The following PLB1 variants were observed in gnomAD, a reference collection of about 807,000 sequenced individuals.
PLB1 encodes the protein phospholipase B1, membrane-associated.
Under a neutral mutation model 227.4 loss-of-function variants are expected in PLB1, and 242 were observed. That is an observed-to-expected ratio of 1.06 (90% CI 0.96 to 1.18). The LOEUF (loss-of-function observed/expected upper bound fraction) is 1.18. PLB1 is among the 50% of genes most tolerant of loss of function. PLB1 has a pLI of 0.00. For missense variants in PLB1, 1,858 were observed against 1,816.3 expected (o/e 1.02, Z -0.42); for synonymous variants, 757 against 682.2 (o/e 1.11, Z -1.71).
rs60393903 is a variant in PLB1, at chr2:28,562,540, C to CAAAAAAAAA, written c.1148-490_1148-482dup. Among the ~76,000 whole-genome samples the CAAAAAAAAA allele has an allele frequency of 5.9e-4, 25 of 42,600 alleles. 7 individuals carry two copies. Among genetic ancestry groups the CAAAAAAAAA allele is most frequent in the South Asian group, 2.7e-3 (2 of 742 alleles). 27.9% of individuals were successfully genotyped at this position (42,600 alleles called of 152,430 possible). The stretch of plus-strand genomic sequence containing the variant: ...CTGGAGACAGAGCAAGACTCTGTCT[C>CAAAAAAAAA]AAAAAAAAAAAAAAAAAAAGTCAGT... On this transcript the variant is annotated intron_variant, in intron 17 of 57. Coordinates refer to ENST00000327757, the MANE Select transcript of PLB1 (RefSeq NM_153021.5).
chr2:28,606,517 A>C lies in PLB1; in HGVS notation c.3079A>C (p.Thr1027Pro), dbSNP rs1435543850. ...TNMLEPLGSK[T>P]ETLDLRAEMP... ...TCAGCTTGAACCACTTGGAAGCAAA[A>C]CAGAGACCCTGGACCTGAGAGCAGA... The change falls in exon 43 of 58, where the codon ACA becomes CCA. Residue 1027 changes from threonine to proline, a missense_variant. Thr to Pro is a conservative substitution (Grantham distance 38). Coordinates refer to ENST00000327757, the MANE Select transcript of PLB1 (RefSeq NM_153021.5). 1 of 1,614,214 alleles carries C rather than the reference A, an allele frequency of 6.2e-7. No homozygotes were observed. Among genetic ancestry groups the C allele is most frequent in the Non-Finnish European group, 8.5e-7 (1 of 1,180,026 alleles).
chr2:28,617,560 T>G (rs1304395880), intron 44 of PLB1, among the ~76,000 whole-genome samples, 167 bp from the exon 45 acceptor site: 1 of 152,170 alleles, frequency 6.6e-6, no homozygotes, highest in Non-Finnish European at 1.5e-5. Flanking sequence ...CCCTTTAATT[T>G]CCCTCCTAGC....
chr2:28,585,299 A>G (rs534777922), intron 25 of PLB1, among the ~76,000 whole-genome samples: 3 of 151,536 alleles, frequency 2.0e-5, no homozygotes, highest in Non-Finnish European at 4.4e-5. Context: ...CTTTTGAGAC[A>G]GAGTCTCGCT....
chr2:28,516,821 C>G lies in PLB1; in HGVS notation c.69C>G (p.Ile23Met). 6.2e-7 allele frequency: 1 copy of G among 1,613,712 alleles called. No individual in the cohort carries two copies. The highest frequency in any genetic ancestry group is 2.2e-5 in the East Asian group (1 of 44,886). Residue 23 changes from isoleucine (I) to methionine (M), a missense_variant, in exon 2 of 58, where the codon ATC becomes ATG. By Grantham distance (10) the Ile-to-Met change is conservative. Transcript: ENST00000327757. ...LLLLGQGTPQ[I>M]HTSPRKSTLE... ...GCTTTCTTTCAGGGACCCCTCAGAT[C>G]CATACCTCTCCTAGAAAGAGTACAT...
rs201172247 is a variant in PLB1, at chr2:28,553,698, A to AG, written c.1147+715dup. Among the ~76,000 whole-genome samples, 1,308 of 151,906 alleles carry AG rather than the reference A, an allele frequency of 8.6e-3. 25 individuals are homozygous for AG. The highest frequency in any genetic ancestry group is 0.03 in the African/African-American group (1,235 of 41,396). ...TATAGATTCCCATGCTTGGTCCTAA[A>AG]GGGGGGGGACTCACGTGTCCATTTA... On this transcript the variant is annotated intron_variant, in intron 17 of 57. Coordinates refer to ENST00000327757, the MANE Select transcript of PLB1 (RefSeq NM_153021.5).
At chr2:28,561,939 C>T (rs1572983403) in intron 17 of PLB1, among the ~76,000 whole-genome samples, 2 of 151,726 alleles carry the variant, frequency 1.3e-5, no homozygotes, top group South Asian at 2.1e-4. Flanking sequence ...AACAAATGAA[C>T]CTTGAAAACA....
intron 17 of PLB1, among the ~76,000 whole-genome samples, chr2:28,557,009 G>T (rs143855402): frequency 1.3e-5 from 2 of 152,114 alleles, no homozygotes; most frequent in Non-Finnish European, 2.9e-5. Context: ...GCAATGTTCA[G>T]TGTAGGTCAT....
At chr2:28,554,953 G>T (rs1674818729) in intron 17 of PLB1, among the ~76,000 whole-genome samples, 1 of 152,040 alleles carries the variant, frequency 6.6e-6, no homozygotes, top group Non-Finnish European at 1.5e-5. Context: ...AAGATGGGTA[G>T]ATTTAGGCTC....
Position 28,620,888 on chromosome 2 carries a change from A to G in PLB1, c.3437A>G (p.Lys1146Arg). ...ETHTTLPNIL[K>R]KFNPYLLGFS... ...TCCTCCTCCTCTAAAGACATTCTGAAGAAGTTCAACCCTTACCTCCTTGGC... is the reference window on the plus strand; with the variant it reads ...TCCTCCTCCTCTAAAGACATTCTGAGGAAGTTCAACCCTTACCTCCTTGGC... The change falls in exon 49 of 58, where the codon AAG becomes AGG. Residue 1146 changes from lysine to arginine, a missense_variant. Transcript: ENST00000327757. 1 of 1,613,816 alleles carries G rather than the reference A, an allele frequency of 6.2e-7. No homozygotes were observed. Among genetic ancestry groups the G allele is most frequent in the Non-Finnish European group, 8.5e-7 (1 of 1,179,762 alleles).
intron 44 of PLB1, 145 bp downstream of exon 44, chr2:28,614,241 C>T: frequency 1.2e-6 from 1 of 819,124 alleles, no homozygotes. Context: ...AGAAAAGGCT[C>T]CCGGACCACG....
intron 56 of PLB1, among the ~76,000 whole-genome samples, chr2:28,639,989 C>T (rs1168960947): frequency 1.6e-4 from 25 of 152,136 alleles, no homozygotes; most frequent in Admixed American, 1.6e-3. Context: ...TCTAGTCACC[C>T]TAGCATCTCT....
Position 28,566,607 on chromosome 2 carries a change from T to A in PLB1, c.1281-189T>A, listed in dbSNP as rs1463522860. Reference sequence around the variant, plus strand: ...AAGCTGGCGTTTTGTTTGGATGTGCTGGCCTATGGGGAGGGGAGTCGTATT... The same window carrying A: ...AAGCTGGCGTTTTGTTTGGATGTGCAGGCCTATGGGGAGGGGAGTCGTATT... On this transcript the variant is annotated intron_variant, in intron 19 of 57. Transcript: ENST00000327757. 5.1e-6 allele frequency: 3 copies of A among 583,832 alleles called. No individual in the cohort carries two copies. In the African/African-American group the frequency reaches 5.6e-5, roughly 11 times the overall value. The allele number at this position is 583,832 out of a possible 1,614,324, so 36.2% of individuals were successfully genotyped here. A position where few individuals can be genotyped will look rare whatever the true frequency, so the allele number is the denominator to read the frequency against.
intron 54 of PLB1, 101 bp from the exon 55 acceptor site, chr2:28,631,935 G>A: frequency 1.1e-6 from 1 of 922,738 alleles, no homozygotes; most frequent in South Asian, 1.4e-5. Context: ...GTCCTTTAGG[G>A]TGAGTTGACT....
intron 20 of PLB1, among the ~76,000 whole-genome samples, chr2:28,572,607 G>A (rs1401435090): frequency 6.6e-6 from 1 of 152,160 alleles, no homozygotes; most frequent in African/African-American, 2.4e-5. Context: ...CTACAACATG[G>A]GTGAATGTTG....
chr2:28,500,746 C>CA (rs1043897169), intron 1 of PLB1, among the ~76,000 whole-genome samples: 24 of 148,202 alleles, frequency 1.6e-4, no homozygotes, highest in South Asian at 4.3e-4. Context: ...ACCCCGTCTC[C>CA]AAAAAAAAAG....
At chr2:28,525,635 A>C (rs912748389) in intron 5 of PLB1, among the ~76,000 whole-genome samples, 1 of 152,148 alleles carries the variant, frequency 6.6e-6, no homozygotes, top group Non-Finnish European at 1.5e-5. Flanking sequence ...GCTCAGTCTC[A>C]TTCTACCCTG....
chr2:28,626,048 T>C (rs1687726646), intron 50 of PLB1, among the ~76,000 whole-genome samples: 2 of 150,654 alleles, frequency 1.3e-5, no homozygotes, highest in South Asian at 4.2e-4. Context: ...CAGGCTGGAG[T>C]GCAGTGGTGC....
intron 20 of PLB1, among the ~76,000 whole-genome samples, chr2:28,567,228 C>G (rs868609089): frequency 7.0e-6 from 1 of 143,182 alleles, no homozygotes; most frequent in Non-Finnish European, 1.5e-5. Context: ...AAAAGAAACC[C>G]GGTTGTGCGG....
chr2:28,608,778 T>C (rs1685040815), intron 43 of PLB1, among the ~76,000 whole-genome samples: 1 of 152,272 alleles, frequency 6.6e-6, no homozygotes, highest in South Asian at 2.1e-4. Context: ...CACTCCTTCC[T>C]GGGTTTGTGG....
Sources: gnomAD v4.1 joint callset for allele counts (sites outside exome capture counted in the v4.1 genomes callset) on GRCh38, gnomAD v4.1.1 for gene constraint, MANE v1.5 for transcripts, NCBI Gene and HGNC (gene_info 2026-07-23, HGNC 2026-07-21) for gene names.